Variants in BZW1 observed in about 807,000 individuals in gnomAD.
BZW1 encodes the protein eIF5-mimic protein 2.
In BZW1, 3 loss-of-function variants were observed where a neutral mutation model predicts 54.1. The observed-to-expected ratio is 0.06, with a 90% confidence interval of 0.03 to 0.14. The LOEUF (loss-of-function observed/expected upper bound fraction) is 0.14. BZW1 is among the 10% of genes least tolerant of loss of function. The pLI is 1.00. For synonymous variants in BZW1, 152 were observed against 162.7 expected (o/e 0.93, Z 0.50); for missense variants, 206 against 491.7 (o/e 0.42, Z 5.50).
chr2:200,817,327 T>C (rs1461535736), intron 6 of BZW1, 86 bp downstream of exon 6: 1 of 1,476,774 alleles, frequency 6.8e-7, no homozygotes, highest in Non-Finnish European at 9.2e-7. Flanking sequence ...GTGACTTCTG[T>C]GAAAGTCTTC....
rs2038077740 is a variant in BZW1 at position 200,811,934 on chromosome 2, G to A, written c.-67G>A. ...TAGTTCCGGTCGCAGAGGAGACACC[G>A]CCGCAGTTGCCGGTACATCGGGGAT... On this transcript the variant is annotated 5_prime_UTR_variant, in exon 1 of 12. Transcript: ENST00000409600. 7.6e-6 allele frequency: 2 copies of A among 261,884 alleles called. No homozygotes were observed. Among genetic ancestry groups the A allele is most frequent in the Middle Eastern group, 1.1e-3 (1 of 936 alleles). The allele number at this position is 261,884 out of a possible 1,614,324, so 16.2% of individuals were successfully genotyped here.
chr2:200,815,936 G>A lies in BZW1; in HGVS notation c.336+175G>A, dbSNP rs963262991. ...TTAGAAACTTAAGGTGTGTTAAGGC[G>A]AACAAAATAGGGAAAAATGAAATTA... On this transcript the variant is annotated intron_variant, in intron 4 of 11. Coordinates refer to ENST00000409600, the MANE Select transcript of BZW1 (RefSeq NM_001207067.2). Among the ~76,000 whole-genome samples the A allele has an allele frequency of 5.9e-5, 9 of 152,150 alleles. No homozygotes were observed. The South Asian group carries it at 1.0e-3, about 18-fold the overall frequency.
At chr2:200,821,008 G>A in intron 10 of BZW1, among the ~76,000 whole-genome samples, 175 bp from the exon 11 acceptor site, 1 of 152,338 alleles carries the variant, frequency 6.6e-6, no homozygotes, top group East Asian at 1.9e-4. Flanking sequence ...GACCAGTCTT[G>A]ATCCCGTTGA....
intron 5 of BZW1, 44 bp downstream of exon 5, chr2:200,816,434 T>A: frequency 7.4e-7 from 1 of 1,352,912 alleles, no homozygotes; most frequent in Non-Finnish European, 1.0e-6. Context: ...AAAATAGGGT[T>A]AGAAAGAGGA....
intron 10 of BZW1, among the ~76,000 whole-genome samples, chr2:200,820,525 T>C (rs753563741): frequency 2.0e-5 from 3 of 151,766 alleles, no homozygotes; most frequent in Non-Finnish European, 4.4e-5. Context: ...ACAAAAAAAA[T>C]AAAAAATTAG....
Position 200,818,735 on chromosome 2 carries a change from A to C in BZW1, c.820-20A>C. On this transcript the variant is annotated intron_variant, in intron 8 of 11. Coordinates refer to ENST00000409600, the MANE Select transcript of BZW1 (RefSeq NM_001207067.2). The stretch of plus-strand genomic sequence containing the variant: ...ATAATCAAAACTGACTTCTGTTACT[A>C]AATTTGGATTCATTTGCAGATAATT... 1.3e-6 allele frequency: 2 copies of C among 1,572,380 alleles called. No individual in the cohort carries two copies. The highest frequency in any genetic ancestry group is 2.4e-5 in the South Asian group (2 of 83,708).
chr2:200,817,321 C>T (rs2038331986), intron 6 of BZW1, 80 bp downstream of exon 6: 6 of 1,499,634 alleles, frequency 4.0e-6, no homozygotes, highest in African/African-American at 1.4e-5. Context: ...ATAGATGTGA[C>T]TTCTGTGAAA....
At position 200,827,326 on chromosome 2, in the gene BZW1, A is replaced by G. The variant is rs773898524; in HGVS notation, c.*5148A>G. On this transcript the variant is annotated 3_prime_UTR_variant, in exon 12 of 12. Transcript: ENST00000409600. ...ATAAAATTTCATGAGACTCCTTGTT[A>G]ATGTAGAGAAAAGCAATGACTGTTC... is the stretch of plus-strand genomic sequence containing the variant. 1.3e-5 allele frequency: 2 copies of G among 152,208 alleles called. No homozygotes were observed. Among genetic ancestry groups the G allele is most frequent in the African/African-American group, 2.4e-5 (1 of 41,452 alleles). The allele number at this position is 152,208 out of a possible 1,614,324, so 9.4% of individuals were successfully genotyped here.
intron 3 of BZW1, 64 bp downstream of exon 3, chr2:200,815,581 A>T: frequency 6.2e-7 from 1 of 1,600,402 alleles, no homozygotes; most frequent in Non-Finnish European, 8.5e-7. Context: ...GATTATGGAG[A>T]GTCTAGAATA....
rs1446670437 is a variant in BZW1 at position 200,818,913 on chromosome 2, A to G, written c.966+12A>G. Reference sequence around the variant, plus strand: ...TCAAGCACTTGAAGGTATTAGAACTATGCCTTGACAAAACAAACTATTCTG... The same window carrying G: ...TCAAGCACTTGAAGGTATTAGAACTGTGCCTTGACAAAACAAACTATTCTG... On this transcript the variant is annotated intron_variant, in intron 9 of 11. Coordinates refer to ENST00000409600, the MANE Select transcript of BZW1 (RefSeq NM_001207067.2). 2 of 1,546,886 alleles carry G rather than the reference A, an allele frequency of 1.3e-6. No individual in the cohort carries two copies. The highest frequency in any genetic ancestry group is 1.7e-6 in the Non-Finnish European group (2 of 1,154,030).
rs2038249785 is a variant in BZW1 at position 200,815,410 on chromosome 2, C to G, written c.134C>G (p.Thr45Ser). ...CIIQGLTETG[T>S]DLEAVAKFLD... ...ATTCAAGGCTTAACTGAAACCGGTA[C>G]TGATTTGGAAGCAGTAGCTAAGTTT... Residue 45 changes from threonine to serine, a missense_variant, in exon 3 of 12, where the codon ACT (threonine) becomes AGT (serine). Physicochemically the swap from Thr to Ser is moderately conservative, Grantham distance 58 (BLOSUM62 1). This residue lies in a region of BZW1 where 26 missense variants were observed against 26.9 expected (regional missense o/e 0.97). Coordinates refer to ENST00000409600, the MANE Select transcript of BZW1 (RefSeq NM_001207067.2). 6.2e-7 allele frequency: 1 copy of G among 1,613,956 alleles called. No individual in the cohort carries two copies. Among genetic ancestry groups the G allele is most frequent in the South Asian group, 1.1e-5 (1 of 91,072 alleles).
rs1215023271 is a variant in BZW1 at position 200,813,285 on chromosome 2, A to G, written c.64+4A>G. On this transcript the variant is annotated splice_donor_region_variant and intron_variant, in intron 2 of 11. Coordinates refer to ENST00000409600, the MANE Select transcript of BZW1 (RefSeq NM_001207067.2). Reference sequence around the variant, plus strand: ...CGTTTTAAAACTAGAAAAAGAGGTAAATATTTACGTTTTAATGTCTCTCTT... The same window carrying G: ...CGTTTTAAAACTAGAAAAAGAGGTAGATATTTACGTTTTAATGTCTCTCTT... 6.2e-7 allele frequency: 1 copy of G among 1,610,426 alleles called. No individual in the cohort carries two copies. The highest frequency in any genetic ancestry group is 8.5e-7 in the Non-Finnish European group (1 of 1,177,404).
In BZW1 at chr2:200,823,360, T is replaced by C. The variant is rs1479081044; in HGVS notation, c.*1182T>C. On this transcript the variant is annotated 3_prime_UTR_variant, in exon 12 of 12. Coordinates refer to ENST00000409600, the MANE Select transcript of BZW1 (RefSeq NM_001207067.2). ...CTTCTTGGTATACAATTGATCCATT[T>C]ATTTTAATGGCTGCCTTTTCATTTT... The C allele has an allele frequency of 4.5e-5, 7 of 156,210 alleles. No homozygotes were observed. Among genetic ancestry groups the C allele is most frequent in the Non-Finnish European group, 8.8e-5 (6 of 68,044 alleles). 9.7% of individuals were successfully genotyped at this position (156,210 alleles called of 1,614,324 possible).
intron 2 of BZW1, among the ~76,000 whole-genome samples, chr2:200,814,148 G>A (rs1433521332): frequency 2.6e-5 from 4 of 152,198 alleles, no homozygotes; most frequent in Non-Finnish European, 5.9e-5. Context: ...TTAAGGAGCT[G>A]GAGTTGTAAA....
At position 200,818,213 on chromosome 2, in the gene BZW1, C is replaced by A. The variant is rs906265343; in HGVS notation, c.649-10C>A. 10 of 1,553,618 alleles carry A rather than the reference C, an allele frequency of 6.4e-6. No homozygotes were observed. The highest frequency in any genetic ancestry group is 2.4e-5 in the South Asian group (2 of 83,740). ...TAAAGAAAGTTTAACCAGATAAATTCTTCTTTTAGGAACTCTTTCCTGCCA... is the reference window on the plus strand; with the variant it reads ...TAAAGAAAGTTTAACCAGATAAATTATTCTTTTAGGAACTCTTTCCTGCCA... On this transcript the variant is annotated splice_polypyrimidine_tract_variant and intron_variant, in intron 7 of 11. Coordinates refer to ENST00000409600, the MANE Select transcript of BZW1 (RefSeq NM_001207067.2).
In BZW1 at chr2:200,818,240, T is replaced by A; in HGVS notation, c.666T>A (p.Asn222Lys). ...TCTTTTAGGAACTCTTTCCTGCCAA[T>A]AAGCAAAGTGTTGAACACTTCACAA... The part of the protein sequence containing the change: ...DNRLMELFPA[N>K]KQSVEHFTKY... The change falls in exon 8 of 12, where the codon AAT becomes AAA. Residue 222 changes from asparagine (N) to lysine (K), a missense_variant. Transcript: ENST00000409600. The A allele has an allele frequency of 6.3e-7, 1 of 1,581,810 alleles. No homozygotes were observed. Among genetic ancestry groups the A allele is most frequent in the Middle Eastern group, 1.7e-4 (1 of 5,942 alleles).
At chr2:200,817,545 A>T (rs1425199057) in intron 6 of BZW1, among the ~76,000 whole-genome samples, 1 of 152,242 alleles carries the variant, frequency 6.6e-6, no homozygotes, top group Non-Finnish European at 1.5e-5. Context: ...GACTTGGAGA[A>T]GATGACGTTT....
At chr2:200,814,218 G>A (rs1274773123) in intron 2 of BZW1, among the ~76,000 whole-genome samples, 2 of 152,198 alleles carry the variant, frequency 1.3e-5, no homozygotes, top group Non-Finnish European at 2.9e-5. Flanking sequence ...GGTTACTGAT[G>A]TTACCTTGAT....
intron 11 of BZW1, 85 bp downstream of exon 11, chr2:200,821,390 CT>C: frequency 6.6e-7 from 1 of 1,526,130 alleles, no homozygotes; most frequent in Non-Finnish European, 8.8e-7. Flanking sequence ...TTCCTTCTTT[CT>C]GATGCCATTT....
Sources: gnomAD v4.1 joint callset for allele counts (sites outside exome capture counted in the v4.1 genomes callset) on GRCh38, gnomAD v4.1.1 for gene constraint, gnomAD v4.1.1 regional missense constraint, MANE v1.5 for transcripts, NCBI Gene and HGNC (gene_info 2026-07-23, HGNC 2026-07-21) for gene names.